The following IL4R variants were observed in gnomAD, a reference collection of about 807,000 sequenced individuals.
The protein encoded by IL4R is interleukin 4 receptor, also known as interleukin-4 receptor subunit alpha.
IL4R carries 17 observed loss-of-function variants against 41.5 expected under a neutral mutation model. The observed-to-expected ratio is 0.41, with a 90% CI of 0.28 to 0.61. The LOEUF (loss-of-function observed/expected upper bound fraction) is 0.61. Ranked by LOEUF, IL4R falls within the 20% of genes least tolerant of loss-of-function variation. The probability of loss-of-function intolerance (pLI) is 0.31; values close to 1 mark genes in which losing one functional copy is unlikely to be tolerated. For missense variants in IL4R, 974 were observed against 1,043.1 expected (o/e 0.93, Z 0.91); for synonymous variants, 402 against 422.9 (o/e 0.95, Z 0.61).
chr16:27,317,430 C>A (rs1478865759), intron 1 of IL4R, among the ~76,000 whole-genome samples: 2 of 152,094 alleles, frequency 1.3e-5, no homozygotes, highest in Non-Finnish European at 2.9e-5. Flanking sequence ...TTCCTCCTGG[C>A]TGGCACAGTG....
At chr16:27,327,586 G>A (rs553383755) in intron 1 of IL4R, among the ~76,000 whole-genome samples, 1 of 152,012 alleles carries the variant, frequency 6.6e-6, no homozygotes, top group Non-Finnish European at 1.5e-5. Flanking sequence ...CAGGCCAATG[G>A]GTCTCAGGCC....
At chr16:27,354,202 TCA>T (rs1005047736) in intron 7 of IL4R, 3 of 152,144 alleles carry the variant, frequency 2.0e-5, no homozygotes, top group African/African-American at 7.2e-5. Flanking sequence ...ATTGATTATC[TCA>T]CATAAAATGA....
chr16:27,316,371 A>G (rs1405336848), intron 1 of IL4R, among the ~76,000 whole-genome samples: 11 of 152,144 alleles, frequency 7.2e-5, no homozygotes, highest in Admixed American at 7.2e-4. Context: ...CTCTGTCTCA[A>G]AATAAACAAA....
In IL4R at chr16:27,344,761, G is replaced by C. The variant is rs190162514; in HGVS notation, c.210-108G>C. 288 of 1,155,292 alleles carry C rather than the reference G, an allele frequency of 2.5e-4. 1 individual carries two copies. The African/African-American group carries it at 2.8e-3, about 11-fold the overall frequency. The allele number at this position is 1,155,292 out of a possible 1,614,324, so 71.6% of individuals were successfully genotyped here. ...CAGATCTGTCCTCACATCCGTGATC[G>C]GGAAGCTGGAAGAGTCTGATGCGGT... On this transcript the variant is annotated intron_variant, in intron 4 of 10. Coordinates refer to ENST00000395762, the MANE Select transcript of IL4R (RefSeq NM_000418.4).
At chr16:27,349,778 C>G (rs1208405501) in intron 6 of IL4R, among the ~76,000 whole-genome samples, 4 of 152,122 alleles carry the variant, frequency 2.6e-5, no homozygotes, top group East Asian at 1.9e-4. Context: ...GAGACAGAGT[C>G]TCACTCTATC....
In IL4R at chr16:27,363,306, T is replaced by G; in HGVS notation, c.1954T>G (p.Leu652Val). The G allele has an allele frequency of 6.2e-7, 1 of 1,610,288 alleles. No individual in the cohort carries two copies. Among genetic ancestry groups the G allele is most frequent in the Non-Finnish European group, 8.5e-7 (1 of 1,177,790 alleles). ...PGDPAPVPVP[L>V]FTFGLDREPP... is the part of the protein sequence containing the mutation. ...GGACCCTGCCCCAGTCCCTGTCCCCTTGTTCACCTTTGGACTGGACAGGGA... is the reference window on the plus strand; with the variant it reads ...GGACCCTGCCCCAGTCCCTGTCCCCGTGTTCACCTTTGGACTGGACAGGGA... Residue 652 changes from leucine to valine, a missense_variant, in exon 11 of 11, where the codon TTG (leucine) becomes GTG (valine). Around this residue, in one of 3 missense-constraint regions of IL4R, gnomAD observed 682 missense variants for 704.3 expected, o/e 0.97. Coordinates refer to ENST00000395762, the MANE Select transcript of IL4R (RefSeq NM_000418.4).
intron 6 of IL4R, among the ~76,000 whole-genome samples, chr16:27,348,231 C>T (rs2085729360): frequency 6.6e-6 from 1 of 152,140 alleles, no homozygotes. Flanking sequence ...GCAGTTGGCT[C>T]ACACAGCAGA....
chr16:27,361,064 C>A (rs1233143926), intron 10 of IL4R: 6 of 1,394,578 alleles, frequency 4.3e-6, no homozygotes, highest in Middle Eastern at 2.7e-4. Context: ...AGTTAACAAC[C>A]AGAGCAGCCG....
chr16:27,362,628 G>A lies in IL4R; in HGVS notation c.1276G>A (p.Asp426Asn). The A allele has an allele frequency of 6.2e-7, 1 of 1,614,140 alleles. No homozygotes were observed. Among genetic ancestry groups the A allele is most frequent in the South Asian group, 1.1e-5 (1 of 91,090 alleles). The change falls in exon 11 of 11, where the codon GAC becomes AAC. Residue 426 changes from aspartate (D) to asparagine (N), a missense_variant. Around this residue, in one of 3 missense-constraint regions of IL4R, gnomAD observed 682 missense variants for 704.3 expected, o/e 0.97. Transcript: ENST00000395762. ...GEENGGFCQQ[D>N]MGESCLLPPS... Reference sequence around the variant, plus strand: ...GGAGAATGGGGGCTTTTGCCAGCAGGACATGGGGGAGTCATGCCTTCTTCC... The same window carrying A: ...GGAGAATGGGGGCTTTTGCCAGCAGAACATGGGGGAGTCATGCCTTCTTCC...
In IL4R at chr16:27,346,499, C is replaced by T. The variant is rs770914613; in HGVS notation, c.394C>T (p.His132Tyr). The T allele has an allele frequency of 5.6e-6, 9 of 1,614,186 alleles. No homozygotes were observed. The East Asian group carries it at 1.8e-4, about 32-fold the overall frequency. The change falls in exon 6 of 11, where the codon CAC becomes TAC. Residue 132 changes from histidine to tyrosine, a missense_variant. Transcript: ENST00000395762. ...KPRAPGNLTV[H>Y]TNVSDTLLLT... ...CAGGGCCCCAGGAAACCTGACAGTT[C>T]ACACCAATGTCTCCGACACTCTGCT...
chr16:27,354,967 C>A (rs2141190056), intron 7 of IL4R: 1 of 456,906 alleles, frequency 2.2e-6, no homozygotes, highest in South Asian at 1.6e-5. Flanking sequence ...GGGAAGGGAA[C>A]TAGCTTGTAT....
At chr16:27,323,746 C>T (rs192245126) in intron 1 of IL4R, among the ~76,000 whole-genome samples, 3 of 151,878 alleles carry the variant, frequency 2.0e-5, no homozygotes, top group South Asian at 2.1e-4. Context: ...GCTGCGACCT[C>T]GTGGGCTCAA....
At chr16:27,361,036 C>G (rs757222686) in intron 10 of IL4R, 37 of 1,427,440 alleles carry the variant, frequency 2.6e-5, no homozygotes, top group Non-Finnish European at 3.0e-5. Flanking sequence ...TGGTGATACC[C>G]CTTGGGAGTG....
At position 27,363,079 on chromosome 16, in the gene IL4R, A is replaced by G. The variant is rs1801275; in HGVS notation, c.1727A>G (p.Gln576Arg). Residue 576 changes from glutamine (Q) to arginine (R), a missense_variant, in exon 11 of 11, where the codon CAG becomes CGG. Transcript: ENST00000395762. ...GTCTCGGCCCCCACCAGTGGCTATC[A>G]GGAGTTTGTACATGCGGTGGAGCAG... ...APVSAPTSGY[Q>R]EFVHAVEQGG... 381,252 of 1,613,910 alleles carry G rather than the reference A, an allele frequency of 0.24. 54,272 individuals are homozygous for G. Among genetic ancestry groups the G allele is most frequent in the African/African-American group, 0.7 (52,240 of 74,982 alleles).
Position 27,363,476 on chromosome 16 carries a change from C to T in IL4R, c.2124C>T (p.Gly708=). The part of the protein sequence containing the change: ...QATDPLVDSL[G]SGIVYSALTC... ...CAGACCCCCTTGTGGACAGCCTGGG[C>T]AGTGGCATTGTCTACTCAGCCCTTA... The change falls in exon 11 of 11, where the codon GGC becomes GGT. Residue 708 remains glycine, a synonymous_variant. Transcript: ENST00000395762. 1 of 1,614,056 alleles carries T rather than the reference C, an allele frequency of 6.2e-7. No individual in the cohort carries two copies. The highest frequency in any genetic ancestry group is 8.5e-7 in the Non-Finnish European group (1 of 1,179,950).
At position 27,362,964 on chromosome 16, in the gene IL4R, G is replaced by A; in HGVS notation, c.1612G>A (p.Glu538Lys). The A allele has an allele frequency of 6.2e-7, 1 of 1,614,148 alleles. No individual in the cohort carries two copies. ...PEMPCVPQLS[E>K]PTTVPQPEPE... ...GATGCCCTGTGTCCCCCAGCTCTCT[G>A]AGCCAACCACTGTGCCCCAACCTGA... Residue 538 changes from glutamate (E) to lysine (K), a missense_variant, in exon 11 of 11, where the codon GAG becomes AAG. By Grantham distance (56) the Glu-to-Lys change is moderately conservative (BLOSUM62 1). Transcript: ENST00000395762.
intron 3 of IL4R, chr16:27,341,225 G>A (rs1170125266): frequency 1.5e-6 from 1 of 677,370 alleles, no homozygotes; most frequent in Non-Finnish European, 2.7e-6. Flanking sequence ...AAAGAGAAGT[G>A]GCCAGGATGA....
intron 7 of IL4R, among the ~76,000 whole-genome samples, chr16:27,353,126 T>C (rs2085937810): frequency 6.6e-6 from 1 of 152,116 alleles, no homozygotes; most frequent in South Asian, 2.1e-4. Flanking sequence ...TTTAAATACA[T>C]AAAATCCCAG....
intron 8 of IL4R, 96 bp downstream of exon 8, chr16:27,356,003 C>A: frequency 5.3e-6 from 4 of 750,764 alleles, no homozygotes; most frequent in East Asian, 2.5e-5. Context: ...TCCTCTCAGT[C>A]AATAATACGC....
Sources: allele counts gnomAD v4.1 joint callset (sites outside exome capture counted in the v4.1 genomes callset), GRCh38; gene constraint gnomAD v4.1.1; regional missense constraint gnomAD v4.1.1; transcripts MANE v1.5; gene names NCBI Gene and HGNC (gene_info 2026-07-23, HGNC 2026-07-21).